Variants in BAZ2A observed in about 807,000 individuals in gnomAD.
BAZ2A encodes the protein bromodomain adjacent to zinc finger domain 2A.
A neutral mutation model predicts 199.9 loss-of-function variants in BAZ2A; 34 were observed. That is an observed-to-expected ratio of 0.17 (90% CI 0.13 to 0.23). The LOEUF is 0.23. BAZ2A is among the 10% of genes least tolerant of loss of function. The pLI is 1.00. For missense variants in BAZ2A, 2,002 were observed against 2,391.1 expected (o/e 0.84, Z 3.39); for synonymous variants, 857 against 883.9 (o/e 0.97, Z 0.54).
intron 10 of BAZ2A, among the ~76,000 whole-genome samples, chr12:56,608,617 T>G (rs928990829): frequency 6.6e-6 from 1 of 151,902 alleles, no homozygotes; most frequent in African/African-American, 2.4e-5. Flanking sequence ...TTGCCCAGGC[T>G]GGAGTGCAAT....
chr12:56,618,288 T>C (rs1368625422), intron 1 of BAZ2A, among the ~76,000 whole-genome samples: 7 of 152,160 alleles, frequency 4.6e-5, no homozygotes, highest in African/African-American at 1.2e-4. Context: ...TTTAGTTTTG[T>C]GGCTTAAATA....
intron 1 of BAZ2A, among the ~76,000 whole-genome samples, chr12:56,620,165 TAA>T (rs546559926): frequency 1.4e-5 from 2 of 141,760 alleles, no homozygotes; most frequent in Admixed American, 7.1e-5. Flanking sequence ...TGATGAGCTT[TAA>T]AAAAAAAAAA....
At chr12:56,630,381 C>CCCCCCTTACTACGGGGAAGGAGAGGAGTT, upstream of BAZ2A, 1 of 645,664 alleles carries the variant, frequency 1.5e-6, no homozygotes, top group Non-Finnish European at 1.9e-6. Flanking sequence ...TCTCCCCACG[C>CCCCCCTTACTACGGGGAAGGAGAGGAGTT]GGCCTCCGCC....
intron 3 of BAZ2A, 52 bp from the exon 4 acceptor site, chr12:56,614,190 TC>T (rs1950644468): frequency 6.4e-7 from 1 of 1,552,708 alleles, no homozygotes; most frequent in African/African-American, 1.4e-5. Flanking sequence ...TTATATTGGT[TC>T]ACTTAGCTAT....
chr12:56,614,868 G>C, intron 3 of BAZ2A, 146 bp downstream of exon 3: 1 of 836,012 alleles, frequency 1.2e-6, no homozygotes, highest in Admixed American at 2.6e-5. Context: ...CCAGCCACTT[G>C]GCTCTGCTAA....
rs140686273 is a variant in BAZ2A at position 56,623,222 on chromosome 12, C to G, written c.-2-5690G>C. On this transcript the variant is annotated intron_variant, in intron 1 of 28. Coordinates refer to ENST00000549884, the MANE Select transcript of BAZ2A (RefSeq NM_001300905.2). ...CTGCACTCCAGTCTGGGCGACAGAG[C>G]GAGACTCCATCTCAAAAAAAAAAAA... Among the ~76,000 whole-genome samples the G allele has an allele frequency of 5.1e-3, 765 of 150,606 alleles. 4 individuals carry two copies. Among genetic ancestry groups the G allele is most frequent in the African/African-American group, 0.018 (727 of 40,934 alleles).
upstream of BAZ2A, chr12:56,630,833 T>C (rs1951289892): frequency 1.0e-6 from 1 of 985,550 alleles, no homozygotes; most frequent in Non-Finnish European, 1.2e-6. Context: ...TGGCGACATC[T>C]GCAGGGCCCT....
chr12:56,630,093 C>A (rs1951255854), intron 1 of BAZ2A, 32 bp downstream of exon 1: 1 of 964,556 alleles, frequency 1.0e-6, no homozygotes, highest in African/African-American at 1.8e-5. Context: ...GGCTCCCTCC[C>A]CCTCAGGCCC....
At position 56,602,721 on chromosome 12, in the gene BAZ2A, C is replaced by T. The variant is rs1478611666; in HGVS notation, c.3416G>A (p.Gly1139Glu). The change falls in exon 19 of 29, where the codon GGG becomes GAG. Residue 1139 changes from glycine (G) to glutamate (E), a missense_variant. Coordinates refer to ENST00000549884, the MANE Select transcript of BAZ2A (RefSeq NM_001300905.2). Reference protein sequence around the residue: ...LAGIFVEGTEGNLVPEEVIKK... With the variant: ...LAGIFVEGTEENLVPEEVIKK... ...CCCACAGGCACACCTACCTAAGTTC[C>T]CCTCTGTTCCTTCTACAAAGATACC... is the stretch of plus-strand genomic sequence containing the variant. The T allele has an allele frequency of 6.2e-7, 1 of 1,613,184 alleles. No homozygotes were observed. The highest frequency in any genetic ancestry group is 1.3e-5 in the African/African-American group (1 of 74,914).
At chr12:56,607,300 G>A (rs909342532) in intron 10 of BAZ2A, among the ~76,000 whole-genome samples, 1 of 152,122 alleles carries the variant, frequency 6.6e-6, no homozygotes, top group African/African-American at 2.4e-5. Flanking sequence ...TCTTCCTTTC[G>A]GGAAGACTTG....
intron 11 of BAZ2A, 21 bp from the exon 12 acceptor site, chr12:56,606,333 C>A: frequency 6.2e-7 from 1 of 1,613,276 alleles, no homozygotes; most frequent in Non-Finnish European, 8.5e-7. Context: ...TAAGGGAAGT[C>A]ATTTCTCCTC....
chr12:56,633,721 C>A (rs1951374631), upstream of BAZ2A, among the ~76,000 whole-genome samples: 1 of 151,926 alleles, frequency 6.6e-6, no homozygotes, highest in Non-Finnish European at 1.5e-5. Context: ...CCCCTTCTTC[C>A]CCCACTTTTG....
At chr12:56,621,276 GT>G (rs1272275604) in intron 1 of BAZ2A, 1 of 984,356 alleles carries the variant, frequency 1.0e-6, no homozygotes, top group African/African-American at 1.7e-5. Context: ...AGCATATCCT[GT>G]TTTTGTAAAT....
At position 56,611,642 on chromosome 12, in the gene BAZ2A, G is replaced by A. The variant is rs1565821627; in HGVS notation, c.1610-9C>T. The A allele has an allele frequency of 1.3e-6, 2 of 1,597,612 alleles. No homozygotes were observed. Among genetic ancestry groups the A allele is most frequent in the Non-Finnish European group, 1.7e-6 (2 of 1,174,580 alleles). ...TCTCCTCATGACATCACCTTGGGAGGAAGGGATACCCAAGTTAAGAGTTCA... is the reference window on the plus strand; with the variant it reads ...TCTCCTCATGACATCACCTTGGGAGAAAGGGATACCCAAGTTAAGAGTTCA... On this transcript the variant is annotated splice_polypyrimidine_tract_variant and intron_variant, in intron 6 of 28. Coordinates refer to ENST00000549884, the MANE Select transcript of BAZ2A (RefSeq NM_001300905.2).
At chr12:56,616,520 C>A (rs924551867) in intron 2 of BAZ2A, among the ~76,000 whole-genome samples, 2 of 152,064 alleles carry the variant, frequency 1.3e-5, no homozygotes, top group Non-Finnish European at 2.9e-5. Context: ...TGCCAGCTGG[C>A]GGGGTAGGGG....
rs1320306877 is a variant in BAZ2A at position 56,602,776 on chromosome 12, G to A, written c.3361C>T (p.Arg1121Cys). 1.2e-6 allele frequency: 2 copies of A among 1,613,824 alleles called. No individual in the cohort carries two copies. Among genetic ancestry groups the A allele is most frequent in the African/African-American group, 1.3e-5 (1 of 74,940 alleles). ...AAATACGGCAATACCCAGTAGCGAC[G>A]TCTGTAGCGGTCCTGACCCAGGGAG... ...AVSLGQDRYRRRYWVLPYLAG... is the reference protein window; with the variant it reads ...AVSLGQDRYRCRYWVLPYLAG... The change falls in exon 19 of 29, where the codon CGT (arginine) becomes TGT (cysteine). Residue 1121 changes from arginine (R) to cysteine (C), a missense_variant. This residue lies in a region of BAZ2A where 1,081 missense variants were observed against 1,274.7 expected (regional missense o/e 0.85). Coordinates refer to ENST00000549884, the MANE Select transcript of BAZ2A (RefSeq NM_001300905.2).
chr12:56,598,648 C>T lies in BAZ2A; in HGVS notation c.5682G>A (p.Glu1894=), dbSNP rs747857918. 6.2e-6 allele frequency: 10 copies of T among 1,613,772 alleles called. No individual in the cohort carries two copies. The African/African-American group carries it at 1.1e-4, about 17-fold the overall frequency. Residue 1894 remains glutamate (E), a synonymous_variant, in exon 29 of 29, where the codon GAG becomes GAA. Transcript: ENST00000549884. ...GATTGGCCTGTTTTCCCTGATAAAA[C>T]TCCTCCCAGCGGCTCTCGAAGAAGC... ...MRRFFESRWE[E]FYQGKQANL is the part of the protein sequence containing the mutation.
intron 8 of BAZ2A, 40 bp from the exon 9 acceptor site, chr12:56,610,255 C>T: frequency 3.1e-6 from 5 of 1,609,088 alleles, no homozygotes; most frequent in Non-Finnish European, 4.3e-6. Flanking sequence ...AAAGTTGGAT[C>T]CTACCATGTC....
In BAZ2A at chr12:56,597,637, G is replaced by GAC. The variant is rs35960815; in HGVS notation, c.*979_*980dup. The GAC allele has an allele frequency of 0.38, 48,324 of 126,942 alleles. 9,417 individuals are homozygous for GAC. The highest frequency in any genetic ancestry group is 0.52 in the South Asian group (1,864 of 3,618). 7.9% of individuals were successfully genotyped at this position (126,942 alleles called of 1,614,324 possible). ...CACACACACAGCGCGCTCTGAGGCC[G>GAC]ACACACACACACACACACACACACA... On this transcript the variant is annotated 3_prime_UTR_variant, in exon 29 of 29. Coordinates refer to ENST00000549884, the MANE Select transcript of BAZ2A (RefSeq NM_001300905.2).
Sources: allele counts gnomAD v4.1 joint callset (sites outside exome capture counted in the v4.1 genomes callset), GRCh38; gene constraint gnomAD v4.1.1; regional missense constraint gnomAD v4.1.1; transcripts MANE v1.5; gene names NCBI Gene and HGNC (gene_info 2026-07-23, HGNC 2026-07-21).